The following NTM variants were observed in gnomAD, a reference collection of about 807,000 sequenced individuals.
NTM encodes neurotrimin, also known as IgLON family member 2.
A neutral mutation model predicts 42.1 loss-of-function variants in NTM; 13 were observed. The ratio of observed to expected loss-of-function variants is 0.31; its 90% CI spans 0.20 to 0.49. The LOEUF (loss-of-function observed/expected upper bound fraction) is 0.49, where lower values mean the gene tolerates loss of function less well. Ranked by LOEUF, NTM falls within the 20% of genes least tolerant of loss-of-function variation. The probability of loss-of-function intolerance (pLI) is 0.99; values close to 1 mark genes in which losing one functional copy is unlikely to be tolerated. For synonymous variants in NTM, 187 were observed against 179.2 expected, an observed-to-expected ratio of 1.04 and a Z score of -0.35; for missense variants, 373 against 452.8, an observed-to-expected ratio of 0.82 and a Z score of 1.60.
chr11:132,210,164 A>G (rs1162161686), intron 3 of NTM, among the ~76,000 whole-genome samples: 1 of 152,202 alleles, frequency 6.6e-6, no homozygotes, highest in African/African-American at 2.4e-5. Flanking sequence ...ATTGTAAGCC[A>G]GGTGGATGGT....
At chr11:131,601,838 A>T (rs1454451171) in intron 1 of NTM, among the ~76,000 whole-genome samples, 1 of 152,186 alleles carries the variant, frequency 6.6e-6, no homozygotes, top group African/African-American at 2.4e-5. Context: ...TTTACTGAGA[A>T]CTGCACATGT....
intron 1 of NTM, among the ~76,000 whole-genome samples, chr11:131,585,751 T>C (rs1361310449): frequency 6.6e-6 from 1 of 152,154 alleles, no homozygotes; most frequent in Non-Finnish European, 1.5e-5. Context: ...CCCAAATGGT[T>C]GTAGTGTGTG....
At position 132,098,241 on chromosome 11, in the gene NTM, A is replaced by T. The variant is rs531224221; in HGVS notation, c.168-48041A>T. Among the ~76,000 whole-genome samples the T allele has an allele frequency of 3.3e-5, 5 of 151,820 alleles. No individual in the cohort carries two copies. In the South Asian group the frequency reaches 1.0e-3, roughly 32 times the overall value. On this transcript the variant is annotated intron_variant, in intron 2 of 8. Transcript: ENST00000683400. ...AGAGCCAAACAGTGTAACTTTGTGC[A>T]TGAAAGAACATGCTGTGCTTGATGT...
intron 2 of NTM, among the ~76,000 whole-genome samples, chr11:132,115,366 T>C (rs1358106918): frequency 6.6e-6 from 1 of 152,220 alleles, no homozygotes; most frequent in Non-Finnish European, 1.5e-5. Context: ...TTAATTAGCC[T>C]GGTTGCAGTG....
intron 2 of NTM, among the ~76,000 whole-genome samples, chr11:131,977,932 G>T (rs2064659740): frequency 6.6e-6 from 1 of 152,288 alleles, no homozygotes; most frequent in Non-Finnish European, 1.5e-5. Context: ...AAGAGAAAAA[G>T]AAAGTTGCCC....
At chr11:132,126,208 T>G (rs1345334958) in intron 2 of NTM, among the ~76,000 whole-genome samples, 1 of 152,126 alleles carries the variant, frequency 6.6e-6, no homozygotes, top group East Asian at 1.9e-4. Context: ...GGATTGAAAT[T>G]GTCACACAAG....
chr11:131,721,766 G>C (rs377201152), intron 1 of NTM, among the ~76,000 whole-genome samples: 3 of 152,226 alleles, frequency 2.0e-5, no homozygotes, highest in South Asian at 4.2e-4. Context: ...GGAGGTCAAG[G>C]TGGGAGGATC....
At chr11:131,766,972 CT>C (rs1166505240) in intron 1 of NTM, 1 of 169,550 alleles carries the variant, frequency 5.9e-6, no homozygotes, top group Non-Finnish European at 1.2e-5. Flanking sequence ...ACAACCATAT[CT>C]TTTTTGCTTT....
At chr11:131,641,820 G>A (rs190035502) in intron 1 of NTM, among the ~76,000 whole-genome samples, 2 of 151,212 alleles carry the variant, frequency 1.3e-5, no homozygotes, top group Non-Finnish European at 1.5e-5. Context: ...TCCAACTCCC[G>A]GGTTCAAGTG....
chr11:132,101,331 A>G (rs1002679373), intron 2 of NTM, among the ~76,000 whole-genome samples: 1 of 151,940 alleles, frequency 6.6e-6, no homozygotes, highest in Non-Finnish European at 1.5e-5. Context: ...CTGTGACATC[A>G]CTCTACCTCA....
At chr11:132,297,278 C>G (rs2094647947) in intron 4 of NTM, among the ~76,000 whole-genome samples, 1 of 152,222 alleles carries the variant, frequency 6.6e-6, no homozygotes, top group Admixed American at 6.5e-5. Flanking sequence ...TCTGCTCCCT[C>G]TGTCCCCCAA....
intron 1 of NTM, among the ~76,000 whole-genome samples, chr11:131,836,020 G>C (rs571005295): frequency 6.6e-6 from 1 of 152,292 alleles, no homozygotes; most frequent in South Asian, 2.1e-4. Flanking sequence ...ATATAGTCAT[G>C]AAAGTCAGGC....
intron 1 of NTM, among the ~76,000 whole-genome samples, chr11:131,622,854 G>A (rs1247427435): frequency 1.3e-5 from 2 of 152,170 alleles, no homozygotes; most frequent in Non-Finnish European, 2.9e-5. Flanking sequence ...TCCTTGGGTG[G>A]CATTCATCTG....
At chr11:132,089,026 T>A (rs1447005244) in intron 2 of NTM, among the ~76,000 whole-genome samples, 1 of 152,214 alleles carries the variant, frequency 6.6e-6, no homozygotes, top group Non-Finnish European at 1.5e-5. Context: ...CCTTGTTTGA[T>A]GAGAGGAATG....
intron 1 of NTM, among the ~76,000 whole-genome samples, chr11:131,485,352 G>T (rs991270740): frequency 6.6e-5 from 10 of 152,236 alleles, no homozygotes; most frequent in African/African-American, 2.4e-4. Flanking sequence ...CAATGGAGAT[G>T]CGAGAGAGGC....
chr11:131,989,345 A>T (rs1473133550), intron 2 of NTM, among the ~76,000 whole-genome samples: 1 of 152,200 alleles, frequency 6.6e-6, no homozygotes, highest in Non-Finnish European at 1.5e-5. Context: ...TAATTTATTT[A>T]GTGGTTTGTT....
At chr11:131,534,044 G>C (rs2051727055) in intron 1 of NTM, 1 of 152,450 alleles carries the variant, frequency 6.6e-6, no homozygotes, top group South Asian at 2.1e-4. Flanking sequence ...TGGCTCCTCT[G>C]GGGTCTGGAG....
intron 3 of NTM, among the ~76,000 whole-genome samples, chr11:132,149,441 A>T (rs985264896): frequency 1.3e-5 from 2 of 152,198 alleles, no homozygotes; most frequent in Non-Finnish European, 2.9e-5. Flanking sequence ...AACAACAAAA[A>T]GGAACTAAAT....
chr11:132,029,301 T>C (rs1050817043), intron 2 of NTM, among the ~76,000 whole-genome samples: 60 of 152,010 alleles, frequency 3.9e-4, no homozygotes, highest in African/African-American at 1.4e-3. Flanking sequence ...TAACTCGTCA[T>C]TTAACATTAG....
Sources: gnomAD v4.1 joint callset for allele counts (sites outside exome capture counted in the v4.1 genomes callset) on GRCh38, gnomAD v4.1.1 for gene constraint, MANE v1.5 for transcripts, NCBI Gene and HGNC (gene_info 2026-07-23, HGNC 2026-07-21) for gene names.